Variants in HPS5 observed in about 807,000 individuals in gnomAD.
HPS5 encodes the protein HPS5 biogenesis of lysosomal organelles complex 2 subunit 2.
HPS5 carries 83 observed loss-of-function variants against 128.0 expected under a neutral mutation model. The ratio of observed to expected loss-of-function variants is 0.65; its 90% CI spans 0.54 to 0.78. HPS5 has a LOEUF of 0.78. HPS5 is among the 30% of genes least tolerant of loss of function. The probability of loss-of-function intolerance (pLI) is 0.00; values close to 1 mark genes in which losing one functional copy is unlikely to be tolerated. For missense variants in HPS5, 1,281 were observed against 1,326.2 expected, an observed-to-expected ratio of 0.97 and a Z score of 0.53; for synonymous variants, 475 against 470.2, an observed-to-expected ratio of 1.01 and a Z score of -0.13.
chr11:18,311,286 C>A, intron 4 of HPS5, 101 bp downstream of exon 4: 1 of 868,406 alleles, frequency 1.2e-6, no homozygotes. Flanking sequence ...AAAACCGGGA[C>A]AATCCTAGGC....
chr11:18,320,932 T>C (rs1864242317), intron 1 of HPS5, among the ~76,000 whole-genome samples: 2 of 152,196 alleles, frequency 1.3e-5, no homozygotes, highest in Non-Finnish European at 1.5e-5. Flanking sequence ...ATAAATAAAA[T>C]CTTCTTAGCC....
intron 5 of HPS5, among the ~76,000 whole-genome samples, chr11:18,310,518 A>C (rs932068764): frequency 1.3e-5 from 2 of 152,224 alleles, no homozygotes; most frequent in Admixed American, 6.5e-5. Context: ...GATAATGTGC[A>C]AAGTACTGAA....
chr11:18,309,669 A>G (rs1004879033), intron 5 of HPS5, among the ~76,000 whole-genome samples: 4 of 152,250 alleles, frequency 2.6e-5, no homozygotes, highest in Non-Finnish European at 5.9e-5. Flanking sequence ...ATGACGGCAA[A>G]CCAGAAAAAT....
intron 18 of HPS5, 142 bp downstream of exon 18, chr11:18,287,393 A>G: frequency 1.2e-6 from 1 of 863,586 alleles, no homozygotes; most frequent in Non-Finnish European, 1.9e-6. Flanking sequence ...GAATGTTACA[A>G]GGCCTCCCAA....
intron 3 of HPS5, chr11:18,311,654 G>C (rs569287726): frequency 3.1e-5 from 17 of 553,504 alleles, no homozygotes; most frequent in Admixed American, 1.2e-4. Context: ...GGGATTACAG[G>C]CACTCACCAC....
At chr11:18,305,205 T>C (rs970163463) in intron 8 of HPS5, among the ~76,000 whole-genome samples, 1 of 152,234 alleles carries the variant, frequency 6.6e-6, no homozygotes, top group African/African-American at 2.4e-5. Flanking sequence ...TCTTGGCAAT[T>C]ATAAACTCTC....
At chr11:18,297,460 G>A in intron 11 of HPS5, 99 bp downstream of exon 11, 1 of 1,148,834 alleles carries the variant, frequency 8.7e-7, no homozygotes, top group South Asian at 1.3e-5. Flanking sequence ...AAACATAAAT[G>A]GAAAGGACAA....
At chr11:18,301,449 T>A (rs1347350692) in intron 8 of HPS5, among the ~76,000 whole-genome samples, 14 of 117,404 alleles carry the variant, frequency 1.2e-4, no homozygotes, top group Non-Finnish European at 2.0e-4. Flanking sequence ...TGGGTGACTC[T>A]GTCTCAAAAA....
rs767560852 is a variant in HPS5, at chr11:18,317,776, A to AG, written c.82dup (p.Leu28ProfsTer59). On this transcript the variant is annotated frameshift_variant, in exon 2 of 23. Transcript: ENST00000349215. LOFTEE classifies it high-confidence loss of function. ...CTTTAGACGACTGGAGTCCAGCCGC[A>AG]GGGCTGAGAGTAATGGATCCAGAGA... The AG allele has an allele frequency of 5.0e-6, 8 of 1,613,872 alleles. No homozygotes were observed. In the Admixed American group the frequency reaches 1.3e-4, roughly 27 times the overall value.
chr11:18,287,037 T>C (rs1320419756), intron 18 of HPS5: 1 of 529,428 alleles, frequency 1.9e-6, no homozygotes, highest in Non-Finnish European at 3.3e-6. Context: ...TACCCGTGAA[T>C]AGCCACTGCA....
At chr11:18,320,857 G>C (rs893789613) in intron 1 of HPS5, among the ~76,000 whole-genome samples, 1 of 152,208 alleles carries the variant, frequency 6.6e-6, no homozygotes, top group Non-Finnish European at 1.5e-5. Flanking sequence ...TTGTGTTTAA[G>C]TGGCCATGTT....
intron 6 of HPS5, 91 bp from the exon 7 acceptor site, chr11:18,306,438 C>T (rs960656207): frequency 1.3e-6 from 1 of 766,870 alleles, no homozygotes. Flanking sequence ...ATAATAACTC[C>T]ACTCACAATG....
In HPS5 at chr11:18,279,785, T is replaced by C. The variant is rs1186348958; in HGVS notation, c.*97A>G. 8.7e-7 allele frequency: 1 copy of C among 1,155,852 alleles called. No individual in the cohort carries two copies. The highest frequency in any genetic ancestry group is 1.3e-6 in the Non-Finnish European group (1 of 774,144). 71.6% of individuals were successfully genotyped at this position (1,155,852 alleles called of 1,614,324 possible). On this transcript the variant is annotated 3_prime_UTR_variant, in exon 23 of 23. Transcript: ENST00000349215. ...CCAATAAGATGGCAGGATTTGGGGG[T>C]GGTGTCTTTCCTTCAATAACAAATG...
intron 11 of HPS5, among the ~76,000 whole-genome samples, chr11:18,297,214 G>A (rs919718548): frequency 6.6e-6 from 1 of 152,194 alleles, no homozygotes; most frequent in Non-Finnish European, 1.5e-5. Flanking sequence ...AAGCTTGGTA[G>A]TGAGAATGGG....
Position 18,296,975 on chromosome 11 carries a change from T to C in HPS5, c.1333A>G (p.Ser445Gly), listed in dbSNP as rs754988013. The C allele has an allele frequency of 3.5e-5, 55 of 1,593,416 alleles. 1 individual carries two copies. In the South Asian group the frequency reaches 5.4e-4, roughly 16 times the overall value. The change falls in exon 12 of 23, where the codon AGC becomes GGC. Residue 445 changes from serine to glycine, a missense_variant. Transcript: ENST00000349215. ...CGATAAATACCAGAGTCCAAGATGCTGAAACTTTCCTAAAAATTAAAAGAA... is the reference window on the plus strand; with the variant it reads ...CGATAAATACCAGAGTCCAAGATGCCGAAACTTTCCTAAAAATTAAAAGAA... ...RSSISSHESFSILDSGIYRII... is the reference protein window; with the variant it reads ...RSSISSHESFGILDSGIYRII...
chr11:18,280,589 A>G (rs1329413023), intron 22 of HPS5: 1 of 700,820 alleles, frequency 1.4e-6, no homozygotes, highest in Admixed American at 2.0e-5. Context: ...TTGTATACTC[A>G]TATTCATAGC....
At chr11:18,280,695 AT>A in intron 22 of HPS5, 2 of 618,044 alleles carry the variant, frequency 3.2e-6, no homozygotes, top group Non-Finnish European at 5.8e-6. Flanking sequence ...ACAACGGAAT[AT>A]TATTCAGCCT....
Position 18,311,454 on chromosome 11 carries a change from A to G in HPS5, c.220-3T>C, listed in dbSNP as rs1008106799. The G allele has an allele frequency of 6.4e-7, 1 of 1,561,428 alleles. No individual in the cohort carries two copies. The highest frequency in any genetic ancestry group is 8.8e-7 in the Non-Finnish European group (1 of 1,141,390). Reference sequence around the variant, plus strand: ...GCGACTTGAGAAATTGCACCTTCCTAGAGCACAAAAGAAAATACATTTTTT... The same window carrying G: ...GCGACTTGAGAAATTGCACCTTCCTGGAGCACAAAAGAAAATACATTTTTT... On this transcript the variant is annotated splice_polypyrimidine_tract_variant and splice_region_variant and intron_variant, in intron 3 of 22. Coordinates refer to ENST00000349215, the MANE Select transcript of HPS5 (RefSeq NM_181507.2).
In HPS5 at chr11:18,284,345, T is replaced by C. The variant is rs540349615; in HGVS notation, c.2952-444A>G. Among the ~76,000 whole-genome samples the C allele has an allele frequency of 9.8e-4, 149 of 152,342 alleles. 1 individual carries two copies. Among genetic ancestry groups the C allele is most frequent in the African/African-American group, 3.3e-3 (139 of 41,570 alleles). ...TCCTTGACTCTTCCCCCTCCTTCAT[T>C]TGCTATATCCAGTATCAGCATGTCC... On this transcript the variant is annotated intron_variant, in intron 20 of 22. Transcript: ENST00000349215.
Sources: gnomAD v4.1 joint callset for allele counts (sites outside exome capture counted in the v4.1 genomes callset) on GRCh38, gnomAD v4.1.1 for gene constraint, MANE v1.5 for transcripts, NCBI Gene and HGNC (gene_info 2026-07-23, HGNC 2026-07-21) for gene names.